Variants in CELSR2 observed in about 807,000 individuals in gnomAD.
CELSR2 encodes EGF-like protein 2.
In CELSR2, 81 loss-of-function variants were observed where a neutral mutation model predicts 251.6. That is an observed-to-expected ratio of 0.32 (90% CI 0.27 to 0.39). The LOEUF (loss-of-function observed/expected upper bound fraction) is 0.39, where lower values mean the gene tolerates loss of function less well. Among genes scored for constraint, CELSR2 ranks in the 10% least tolerant of loss-of-function variants. CELSR2 has a pLI of 1.00. For synonymous variants in CELSR2, 1,721 were observed against 1,670.5 expected (o/e 1.03, Z -0.74); for missense variants, 3,365 against 3,947.7 (o/e 0.85, Z 3.96).
At position 109,264,822 on chromosome 1, in the gene CELSR2, C is replaced by T. The variant is rs1386737776; in HGVS notation, c.5465-46C>T. ...TGAAGGGTTTGATGGAAGATGGTGC[C>T]AGGGGAGGGTGGGGGAATGAGCCTC... On this transcript the variant is annotated intron_variant, in intron 11 of 33. Transcript: ENST00000271332. The T allele has an allele frequency of 3.1e-6, 5 of 1,612,952 alleles. No individual in the cohort carries two copies. The Admixed American group carries it at 8.3e-5, about 27-fold the overall frequency.
rs201571707 is a variant in CELSR2 at position 109,268,676 on chromosome 1, C to A, written c.6414C>A (p.Leu2138=). The stretch of plus-strand genomic sequence containing the variant: ...CAGAGGGTGGCACCGCCTGGCTGCT[C>A]CAGCACTATGAGGCCTACGCCAGTG... ...QQTEGGTAWL[L]QHYEAYASAL... Residue 2138 remains leucine (L), a synonymous_variant, in exon 18 of 34, where the codon CTC becomes CTA. Coordinates refer to ENST00000271332, the MANE Select transcript of CELSR2 (RefSeq NM_001408.3). The A allele has an allele frequency of 1.2e-6, 2 of 1,614,058 alleles. No homozygotes were observed. The highest frequency in any genetic ancestry group is 4.5e-5 in the East Asian group (2 of 44,858).
Position 109,273,549 on chromosome 1 carries a change from CG to C in CELSR2, c.8627del (p.Gly2876GlufsTer17). On this transcript the variant is annotated frameshift_variant, in exon 33 of 34. Coordinates refer to ENST00000271332, the MANE Select transcript of CELSR2 (RefSeq NM_001408.3). LOFTEE classifies it high-confidence loss of function. ...GGGCTCCTCCGCTAGTGAGGGCAGC[CG>C]GGGAGGCCCCCCTCCCCGCCCACCG... ...SRGSSASEGS[R>X]GGPPPRPPPR... 1 of 1,580,880 alleles carries C rather than the reference CG, an allele frequency of 6.3e-7. No homozygotes were observed. Among genetic ancestry groups the C allele is most frequent in the Admixed American group, 1.8e-5 (1 of 55,564 alleles).
intron 18 of CELSR2, 58 bp downstream of exon 18, chr1:109,268,822 G>T (rs1656281158): frequency 1.9e-6 from 3 of 1,582,850 alleles, no homozygotes; most frequent in African/African-American, 1.3e-5. Flanking sequence ...GACAAGAGCG[G>T]CTGTGCTGGG....
chr1:109,265,810 G>A lies in CELSR2; in HGVS notation c.5803G>A (p.Val1935Ile), dbSNP rs1295642722. The change falls in exon 14 of 34, where the codon GTC becomes ATC. Residue 1935 changes from valine to isoleucine, a missense_variant. Around this residue, in one of 5 missense-constraint regions of CELSR2, gnomAD observed 2,093 missense variants for 2,382.8 expected, o/e 0.88. Transcript: ENST00000271332. Reference sequence around the variant, plus strand: ...CTACCCCACAGGCTCCTTGTCCAGAGTCTGTGACCCTGAGGATGGCCAGTG... The same window carrying A: ...CTACCCCACAGGCTCCTTGTCCAGAATCTGTGACCCTGAGGATGGCCAGTG... Reference protein sequence around the residue: ...DCYPTGSLSRVCDPEDGQCPC... With the variant: ...DCYPTGSLSRICDPEDGQCPC... The A allele has an allele frequency of 2.5e-6, 4 of 1,614,014 alleles. No homozygotes were observed. The highest frequency in any genetic ancestry group is 3.3e-5 in the Admixed American group (2 of 60,008).
In CELSR2 at chr1:109,273,574, C is replaced by T. The variant is rs201068214; in HGVS notation, c.8648C>T (p.Pro2883Leu). ...GSRGGPPPRP[P>L]PRQSLQEQLN... ...CGGGGAGGCCCCCCTCCCCGCCCACCGCCCCGGCAGAGCCTCCAGGAGCAG... is the reference window on the plus strand; with the variant it reads ...CGGGGAGGCCCCCCTCCCCGCCCACTGCCCCGGCAGAGCCTCCAGGAGCAG... The change falls in exon 33 of 34, where the codon CCG becomes CTG. Residue 2883 changes from proline (P) to leucine (L), a missense_variant. This residue lies in a region of CELSR2 where 2,093 missense variants were observed against 2,382.8 expected (regional missense o/e 0.88). Coordinates refer to ENST00000271332, the MANE Select transcript of CELSR2 (RefSeq NM_001408.3). The T allele has an allele frequency of 3.4e-4, 535 of 1,563,702 alleles. No individual in the cohort carries two copies. The highest frequency in any genetic ancestry group is 4.3e-4 in the Non-Finnish European group (495 of 1,154,606).
In CELSR2 at chr1:109,272,852, C is replaced by A; in HGVS notation, c.8163C>A (p.Asp2721Glu). 1 of 1,613,600 alleles carries A rather than the reference C, an allele frequency of 6.2e-7. No homozygotes were observed. The highest frequency in any genetic ancestry group is 8.5e-7 in the Non-Finnish European group (1 of 1,179,684). Residue 2721 changes from aspartate to glutamate, a missense_variant, in exon 31 of 34, where the codon GAC (aspartate) becomes GAA (glutamate). Asp to Glu is a conservative substitution (Grantham distance 45). This residue lies in a region of CELSR2 where 2,093 missense variants were observed against 2,382.8 expected (regional missense o/e 0.88). Coordinates refer to ENST00000271332, the MANE Select transcript of CELSR2 (RefSeq NM_001408.3). ...DQQHDPDTDS[D>E]SDLSLEDDQS... is the part of the protein sequence containing the mutation. ...TCCTAGATCCTGACACGGACTCCGA[C>A]AGTGACCTGTCCTTAGAAGACGACC... is the stretch of plus-strand genomic sequence containing the variant.
chr1:109,267,670 T>C, intron 16 of CELSR2, 28 bp downstream of exon 16: 1 of 1,611,782 alleles, frequency 6.2e-7, no homozygotes. Context: ...TCTCCATCTT[T>C]TCCCTGTCCT....
intron 9 of CELSR2, 96 bp downstream of exon 9, chr1:109,263,873 G>A: frequency 4.7e-6 from 7 of 1,485,868 alleles, no homozygotes; most frequent in Non-Finnish European, 6.3e-6. Context: ...TCCTGGGCAG[G>A]GGTGGGGACA....
In CELSR2 at chr1:109,264,281, T is replaced by C; in HGVS notation, c.5205T>C (p.His1735=). 1 of 1,613,976 alleles carries C rather than the reference T, an allele frequency of 6.2e-7. No individual in the cohort carries two copies. Among genetic ancestry groups the C allele is most frequent in the South Asian group, 1.1e-5 (1 of 91,092 alleles). ...RAEGNLGPRL[H]GLHLSNITVG... Reference sequence around the variant, plus strand: ...AGGGCAACCTGGGCCCCCGGCTGCATGGTCTGCACCTGAGCAACATAACAG... The same window carrying C: ...AGGGCAACCTGGGCCCCCGGCTGCACGGTCTGCACCTGAGCAACATAACAG... Residue 1735 remains histidine (H), a synonymous_variant, in exon 10 of 34, where the codon CAT becomes CAC. Transcript: ENST00000271332.
At position 109,269,979 on chromosome 1, in the gene CELSR2, G is replaced by T; in HGVS notation, c.7154G>T (p.Gly2385Val). Residue 2385 changes from glycine to valine, a missense_variant, in exon 23 of 34, where the codon GGT becomes GTT. Gly to Val is a moderately radical substitution (Grantham distance 109, BLOSUM62 -3). Around this residue, in one of 5 missense-constraint regions of CELSR2, gnomAD observed 2,093 missense variants for 2,382.8 expected, o/e 0.88. Transcript: ENST00000271332. The surrounding 1 kb of genome is among the most constrained non-coding windows in gnomAD (Gnocchi z 6.4). ...PLKTLTYVAL[G>V]VTLAALLLTF... ...AAGACACTGACATACGTGGCTCTAG[G>T]TGTCACCTTGGCTGCCCTTCTGCTC... is the stretch of plus-strand genomic sequence containing the variant. 6.2e-7 allele frequency: 1 copy of T among 1,614,072 alleles called. No homozygotes were observed. The highest frequency in any genetic ancestry group is 8.5e-7 in the Non-Finnish European group (1 of 1,179,986).
chr1:109,270,187 C>T (rs1656329941), intron 23 of CELSR2, 54 bp downstream of exon 23: 1 of 1,573,698 alleles, frequency 6.4e-7, no homozygotes, highest in African/African-American at 1.3e-5. Flanking sequence ...GCCGCCTCCC[C>T]AGCCCCCACT....
In CELSR2 at chr1:109,252,962, G is replaced by A; in HGVS notation, c.2883G>A (p.Val961=). 1 of 1,612,608 alleles carries A rather than the reference G, an allele frequency of 6.2e-7. No individual in the cohort carries two copies. The highest frequency in any genetic ancestry group is 8.5e-7 in the Non-Finnish European group (1 of 1,179,200). The change falls in exon 1 of 34, where the codon GTG becomes GTA. Residue 961 remains valine, a synonymous_variant. Transcript: ENST00000271332. The surrounding 1 kb of genome is among the most constrained non-coding windows in gnomAD (Gnocchi z 4.8). The stretch of plus-strand genomic sequence containing the variant: ...ATGCCCAGATTATGTACCAGATTGT[G>A]GAGGGCAACATCCCTGAGGTCTTTC... ...GTNAQIMYQI[V]EGNIPEVFQL... is the part of the protein sequence containing the mutation.
rs11102966 is a variant in CELSR2, at chr1:109,253,434, G to T, written c.3310+45G>T. Reference sequence around the variant, plus strand: ...GCGCTGGGGTGGGGGTAGCTCGCGGGGATGGTCTGGGCAGCCACTGGAGGT... The same window carrying T: ...GCGCTGGGGTGGGGGTAGCTCGCGGTGATGGTCTGGGCAGCCACTGGAGGT... On this transcript the variant is annotated intron_variant, in intron 1 of 33. Coordinates refer to ENST00000271332, the MANE Select transcript of CELSR2 (RefSeq NM_001408.3). 6,951 of 1,567,800 alleles carry T rather than the reference G, an allele frequency of 4.4e-3. 254 individuals carry two copies. The Admixed American group carries it at 0.067, about 15-fold the overall frequency.
intron 2 of CELSR2, among the ~76,000 whole-genome samples, chr1:109,260,601 G>C (rs1181582982): frequency 6.6e-6 from 1 of 152,122 alleles, no homozygotes; most frequent in African/African-American, 2.4e-5. Context: ...GAGGCTCCCA[G>C]CCCTCCCGCT....
In CELSR2 at chr1:109,267,924, A is replaced by G. The variant is rs1327304013; in HGVS notation, c.6182A>G (p.Asn2061Ser). 2 of 1,611,524 alleles carry G rather than the reference A, an allele frequency of 1.2e-6. No homozygotes were observed. The highest frequency in any genetic ancestry group is 1.7e-5 in the Admixed American group (1 of 59,998). Residue 2061 changes from asparagine to serine, a missense_variant, in exon 17 of 34, where the codon AAC becomes AGC. Physicochemically the swap from Asn to Ser is conservative, Grantham distance 46. This residue lies in a region of CELSR2 where 2,093 missense variants were observed against 2,382.8 expected (regional missense o/e 0.88). Coordinates refer to ENST00000271332, the MANE Select transcript of CELSR2 (RefSeq NM_001408.3). ...CAGCAGCTAGCCCTGCTCCTGCGCA[A>G]CGCCACGCAGCACACAGCTGGCTAC... ...RSQQLALLLR[N>S]ATQHTAGYFG... is the part of the protein sequence containing the mutation.
rs752262861 is a variant in CELSR2 at position 109,271,212 on chromosome 1, C to T, written c.7597-5C>T. On this transcript the variant is annotated splice_region_variant and splice_polypyrimidine_tract_variant and intron_variant, in intron 25 of 33. Transcript: ENST00000271332. Reference sequence around the variant, plus strand: ...GAGCACCCCATGCCCTCTGCCCCTGCCTAGATGAGTGTCTTCCTGTACATC... The same window carrying T: ...GAGCACCCCATGCCCTCTGCCCCTGTCTAGATGAGTGTCTTCCTGTACATC... 4 of 1,613,764 alleles carry T rather than the reference C, an allele frequency of 2.5e-6. No homozygotes were observed. The highest frequency in any genetic ancestry group is 3.4e-6 in the Non-Finnish European group (4 of 1,179,800).
At chr1:109,265,108 G>A in intron 12 of CELSR2, 83 bp from the exon 13 acceptor site, 1 of 1,591,568 alleles carries the variant, frequency 6.3e-7, no homozygotes, top group Non-Finnish European at 8.6e-7. Flanking sequence ...CCACAGCCAG[G>A]GTCAGAAGGG....
intron 2 of CELSR2, among the ~76,000 whole-genome samples, chr1:109,260,445 C>T (rs886171918): frequency 6.6e-6 from 1 of 152,126 alleles, no homozygotes; most frequent in Non-Finnish European, 1.5e-5. Flanking sequence ...GTCCTCTGCC[C>T]CATTCCTGGG....
chr1:109,270,701 C>T (rs1656347515), intron 24 of CELSR2, 101 bp downstream of exon 24: 15 of 1,438,246 alleles, frequency 1.0e-5, no homozygotes, highest in Admixed American at 3.9e-5. Context: ...CCCACATCCC[C>T]ATGCCCCAGG....
Sources: gnomAD v4.1 joint callset for allele counts (sites outside exome capture counted in the v4.1 genomes callset) on GRCh38, gnomAD v4.1.1 for gene constraint, gnomAD v4.1.1 regional missense constraint, Gnocchi (gnomAD v3.1) non-coding constraint, MANE v1.5 for transcripts, NCBI Gene and HGNC (gene_info 2026-07-23, HGNC 2026-07-21) for gene names.